Variants in DGKZ observed in about 807,000 individuals in gnomAD.
DGKZ encodes DAG kinase zeta.
In DGKZ, 45 loss-of-function variants were observed where a neutral mutation model predicts 142.5. The observed-to-expected ratio is 0.32, with a 90% CI of 0.25 to 0.40. DGKZ has a LOEUF of 0.40. Ranked by LOEUF, DGKZ falls within the 10% of genes least tolerant of loss-of-function variation. The pLI is 1.00. For synonymous variants in DGKZ, 442 were observed against 527.0 expected (o/e 0.84, Z 2.21); for missense variants, 755 against 1,306.5 (o/e 0.58, Z 6.51).
chr11:46,378,983 G>T lies in DGKZ; in HGVS notation c.2419-8G>T. The T allele has an allele frequency of 1.3e-6, 2 of 1,535,068 alleles. No individual in the cohort carries two copies. Among genetic ancestry groups the T allele is most frequent in the Non-Finnish European group, 1.7e-6 (2 of 1,149,976 alleles). On this transcript the variant is annotated splice_region_variant and splice_polypyrimidine_tract_variant and intron_variant, in intron 27 of 30. Coordinates refer to ENST00000527911, the Ensembl canonical transcript of DGKZ. ...GAGGTCCAGCCCTGCCATGCCTCCT[G>T]CCCTCAGCTCCAGGAGCTGCACCGA...
In DGKZ at chr11:46,367,459, G is replaced by C; in HGVS notation, c.270+60G>C. On this transcript the variant is annotated intron_variant, in intron 2 of 30. Coordinates refer to ENST00000527911, the Ensembl canonical transcript of DGKZ. This position sits in a 1 kb window ranked among gnomAD's most constrained non-coding sequence, Gnocchi z 4.1. ...CTGGGCTCTTGGCCAAGGCGCAGCT[G>C]GCGGGTGGAGGCACTAAAGGCAGCT... is the stretch of plus-strand genomic sequence containing the variant. 6.4e-7 allele frequency: 1 copy of C among 1,553,918 alleles called. No individual in the cohort carries two copies. The highest frequency in any genetic ancestry group is 8.8e-7 in the Non-Finnish European group (1 of 1,136,614).
At chr11:46,369,605 T>C (rs1943714960) in intron 5 of DGKZ, 55 bp downstream of exon 5, 2 of 1,604,756 alleles carry the variant, frequency 1.2e-6, no homozygotes, top group South Asian at 2.2e-5. Context: ...TGCATGGGCC[T>C]CTGCGCAGTG....
At position 46,371,801 on chromosome 11, in the gene DGKZ, G is replaced by T. The variant is rs759032812; in HGVS notation, c.831+26G>T. The T allele has an allele frequency of 5.6e-6, 9 of 1,605,740 alleles. No homozygotes were observed. The African/African-American group carries it at 9.4e-5, about 17-fold the overall frequency. On this transcript the variant is annotated intron_variant, in intron 9 of 30. Transcript: ENST00000527911. ...GTCAGCCCCAGGCTGGGCAGAGGCT[G>T]CAGGGGAGCAGGAGAGAGGGGTCTG...
At position 46,367,781 on chromosome 11, in the gene DGKZ, G is replaced by A; in HGVS notation, c.366+34G>A. The A allele has an allele frequency of 6.2e-7, 1 of 1,610,000 alleles. No individual in the cohort carries two copies. Among genetic ancestry groups the A allele is most frequent in the Non-Finnish European group, 8.5e-7 (1 of 1,177,746 alleles). On this transcript the variant is annotated intron_variant, in intron 3 of 30. Coordinates refer to ENST00000527911, the Ensembl canonical transcript of DGKZ. This position sits in a 1 kb window ranked among gnomAD's most constrained non-coding sequence, Gnocchi z 4.1. ...TCGTAGGGGCACGCCGCCCCCTGCT[G>A]GTGGAGCCAGTAGCCGCAGCCCTTC...
At position 46,372,532 on chromosome 11, in the gene DGKZ, G is replaced by A; in HGVS notation, c.1010+22G>A. Reference sequence around the variant, plus strand: ...AGGCGTAAGTACTTGCCAAGGTTTTGTGGGGGACATGGGGGGGAACTTGCC... The same window carrying A: ...AGGCGTAAGTACTTGCCAAGGTTTTATGGGGGACATGGGGGGGAACTTGCC... On this transcript the variant is annotated intron_variant, in intron 11 of 30. Coordinates refer to ENST00000527911, the Ensembl canonical transcript of DGKZ. The surrounding 1 kb of genome is among the most constrained non-coding windows in gnomAD (Gnocchi z 5.9). The A allele has an allele frequency of 1.2e-6, 2 of 1,614,020 alleles. No homozygotes were observed. The highest frequency in any genetic ancestry group is 8.5e-7 in the Non-Finnish European group (1 of 1,180,002).
At chr11:46,351,458 G>A (rs545346579) in intron 1 of DGKZ, among the ~76,000 whole-genome samples, 30 of 152,362 alleles carry the variant, frequency 2.0e-4, no homozygotes, top group Admixed American at 1.7e-3. Context: ...TGGCCCTGAA[G>A]TCAGGGCTGC....
intron 1 of DGKZ, chr11:46,366,503 A>C (rs1422754292): frequency 6.3e-7 from 1 of 1,585,750 alleles, no homozygotes; most frequent in Non-Finnish European, 8.6e-7. Context: ...CCCTTCCTGC[A>C]ACCCCCGCTT....
At chr11:46,350,051 A>G (rs1941173231) in intron 1 of DGKZ, among the ~76,000 whole-genome samples, 1 of 152,156 alleles carries the variant, frequency 6.6e-6, no homozygotes, top group Non-Finnish European at 1.5e-5. Context: ...GCCTGATGAG[A>G]GGAAAGAAAA....
chr11:46,369,140 C>G, intron 4 of DGKZ: 1 of 345,242 alleles, frequency 2.9e-6, no homozygotes, highest in South Asian at 2.4e-5. Context: ...CGCACCACTG[C>G]ACTCCAGCCT....
At position 46,375,060 on chromosome 11, in the gene DGKZ, G is replaced by A; in HGVS notation, c.1710+15G>A. On this transcript the variant is annotated intron_variant, in intron 19 of 30. Coordinates refer to ENST00000527911, the Ensembl canonical transcript of DGKZ. ...TGACGTCGTTGGTGAGTGGGCCCTG[G>A]GCCCATGGTGCCTGGGAGCACAGCC... is the stretch of plus-strand genomic sequence containing the variant. The A allele has an allele frequency of 2.5e-6, 4 of 1,572,964 alleles. No homozygotes were observed. Among genetic ancestry groups the A allele is most frequent in the Non-Finnish European group, 3.4e-6 (4 of 1,165,958 alleles).
chr11:46,365,495 G>A, intron 1 of DGKZ: 3 of 985,354 alleles, frequency 3.0e-6, no homozygotes, highest in Non-Finnish European at 3.6e-6. Context: ...CGGCCCCCTG[G>A]GTGTGAAGGG....
chr11:46,379,625 T>A, intron 30 of DGKZ, 57 bp downstream of exon 30: 2 of 1,476,996 alleles, frequency 1.4e-6, no homozygotes, highest in African/African-American at 1.4e-5. Flanking sequence ...TTTCCCAAGG[T>A]CCTAGGCGGG....
At chr11:46,365,898 C>T (rs1311630804) in intron 1 of DGKZ, 1 of 985,308 alleles carries the variant, frequency 1.0e-6, no homozygotes. Context: ...AGGCCCAGAG[C>T]TCTGTAGATT....
At chr11:46,343,303 TG>T (rs1462815598), upstream of DGKZ, among the ~76,000 whole-genome samples, 10 of 152,304 alleles carry the variant, frequency 6.6e-5, no homozygotes, top group East Asian at 1.9e-3. Flanking sequence ...TTGCATAGCA[TG>T]CATTTATTAA....
chr11:46,347,033 C>T (rs1295092774), upstream of DGKZ, among the ~76,000 whole-genome samples: 2 of 152,086 alleles, frequency 1.3e-5, no homozygotes, highest in Non-Finnish European at 2.9e-5. The surrounding 1 kb of genome is among the most constrained non-coding windows in gnomAD (Gnocchi z 6.4). Context: ...CTTTTGTTCC[C>T]CTGGGTGCGA....
intron 1 of DGKZ, among the ~76,000 whole-genome samples, chr11:46,337,850 G>C (rs1340966702): frequency 6.6e-6 from 1 of 152,150 alleles, no homozygotes; most frequent in Non-Finnish European, 1.5e-5. Flanking sequence ...GCTGGCGGAG[G>C]GCTTCCCTGT....
intron 1 of DGKZ, among the ~76,000 whole-genome samples, chr11:46,339,462 T>C (rs1333824184): frequency 6.6e-6 from 1 of 152,130 alleles, no homozygotes; most frequent in Non-Finnish European, 1.5e-5. Context: ...CGGAACTCCT[T>C]CCCTCCCCTC....
intron 1 of DGKZ, chr11:46,366,516 T>C (rs781531238): frequency 4.4e-6 from 7 of 1,592,212 alleles, no homozygotes; most frequent in Non-Finnish European, 6.0e-6. Flanking sequence ...CCCCGCTTCA[T>C]CGTGGATAAG....
In DGKZ at chr11:46,366,867, C is replaced by T; in HGVS notation, c.162-424C>T. Reference sequence around the variant, plus strand: ...CACCCTGGCCCTGGGGGCCGAAGAGCCTCAGGCACCACCGCCGGCACCATG... The same window carrying T: ...CACCCTGGCCCTGGGGGCCGAAGAGTCTCAGGCACCACCGCCGGCACCATG... On this transcript the variant is annotated intron_variant, in intron 1 of 30. Coordinates refer to ENST00000527911, the Ensembl canonical transcript of DGKZ. 1 of 1,547,424 alleles carries T rather than the reference C, an allele frequency of 6.5e-7. No homozygotes were observed. The highest frequency in any genetic ancestry group is 8.7e-7 in the Non-Finnish European group (1 of 1,152,538).
Sources: allele counts gnomAD v4.1 joint callset (sites outside exome capture counted in the v4.1 genomes callset), GRCh38; gene constraint gnomAD v4.1.1; non-coding constraint Gnocchi (gnomAD v3.1); transcripts MANE v1.5; gene names NCBI Gene and HGNC (gene_info 2026-07-23, HGNC 2026-07-21).